PRKACB: variants seen among roughly 807,000 people sequenced by gnomAD.
PRKACB encodes protein kinase cAMP-activated catalytic subunit beta.
PRKACB carries 16 observed loss-of-function variants against 51.4 expected under a neutral mutation model. The ratio of observed to expected loss-of-function variants is 0.31; its 90% CI spans 0.21 to 0.47. The LOEUF is 0.47. Among genes scored for constraint, PRKACB ranks in the 20% least tolerant of loss-of-function variants. The pLI is 1.00. For missense variants in PRKACB, 309 were observed against 464.5 expected (o/e 0.67, Z 3.08); for synonymous variants, 147 against 154.4 (o/e 0.95, Z 0.35).
chr1:84,107,626 T>G (rs986230238), intron 1 of PRKACB, among the ~76,000 whole-genome samples: 10 of 151,972 alleles, frequency 6.6e-5, no homozygotes, highest in Admixed American at 1.3e-4. Context: ...ACAGGGAACT[T>G]AAACAAATGT....
intron 5 of PRKACB, among the ~76,000 whole-genome samples, chr1:84,185,695 C>T (rs1664880247): frequency 6.6e-6 from 1 of 151,966 alleles, no homozygotes; most frequent in Non-Finnish European, 1.5e-5. Context: ...GTTTGTACCT[C>T]ATCAGGTTAT....
chr1:84,080,571 A>G lies in PRKACB; in HGVS notation c.46+2200A>G, dbSNP rs199972174. Among the ~76,000 whole-genome samples, 8 of 152,188 alleles carry G rather than the reference A, an allele frequency of 5.3e-5. No homozygotes were observed. In the East Asian group the frequency reaches 1.5e-3, roughly 29 times the overall value. On this transcript the variant is annotated intron_variant, in intron 1 of 8. Coordinates refer to the PRKACB transcript ENST00000370688. ...ATGTCACGTGTTGATTAATGTTTGT[A>G]ATTTCATTTGGAGCAGTGTTATCAG...
At chr1:84,223,512 G>C (rs1674083187) in intron 9 of PRKACB, among the ~76,000 whole-genome samples, 1 of 151,876 alleles carries the variant, frequency 6.6e-6, no homozygotes. Context: ...GGGACGACAG[G>C]CACCCGCCAC....
chr1:84,088,166 C>G (rs964975972), intron 1 of PRKACB, among the ~76,000 whole-genome samples: 3 of 152,102 alleles, frequency 2.0e-5, no homozygotes, highest in Non-Finnish European at 4.4e-5. Flanking sequence ...AATGTAGATG[C>G]CATATTTTTT....
intron 1 of PRKACB, among the ~76,000 whole-genome samples, chr1:84,166,901 A>T (rs1195275310): frequency 6.6e-6 from 1 of 151,610 alleles, no homozygotes; most frequent in Non-Finnish European, 1.5e-5. Context: ...TCATTACCTG[A>T]ACGTTCAGTT....
intron 1 of PRKACB, among the ~76,000 whole-genome samples, chr1:84,170,782 AAAAT>A (rs917182955): frequency 5.3e-5 from 8 of 151,748 alleles, no homozygotes; most frequent in Non-Finnish European, 1.2e-4. Context: ...TAGTGACATA[AAAAT>A]AAATATGAGG....
rs560667444 is a variant in PRKACB, at chr1:84,200,052, G to T, written c.783+2228G>T. Among the ~76,000 whole-genome samples, 8 of 152,058 alleles carry T rather than the reference G, an allele frequency of 5.3e-5. No individual in the cohort carries two copies. In the South Asian group the frequency reaches 1.2e-3, roughly 24 times the overall value. On this transcript the variant is annotated intron_variant, in intron 7 of 9. Coordinates refer to ENST00000370685, the MANE Select transcript of PRKACB (RefSeq NM_182948.4). The stretch of plus-strand genomic sequence containing the variant: ...AGTAGAGACAGGGTTTCACCATATT[G>T]GTCAGGCTGGTCTTGAACTCCCGAC...
chr1:84,210,843 CTT>C (rs1267949573), intron 8 of PRKACB, among the ~76,000 whole-genome samples: 6 of 152,060 alleles, frequency 3.9e-5, no homozygotes, highest in Non-Finnish European at 7.4e-5. Context: ...CAACATGACT[CTT>C]TGAAAAGTTC....
intron 9 of PRKACB, among the ~76,000 whole-genome samples, chr1:84,230,769 T>C (rs1675500888): frequency 6.7e-6 from 1 of 149,448 alleles, no homozygotes; most frequent in South Asian, 2.1e-4. Flanking sequence ...CTGTGATTTT[T>C]GTACATTGAT....
intron 1 of PRKACB, among the ~76,000 whole-genome samples, chr1:84,085,453 G>A (rs556287946): frequency 8.5e-5 from 13 of 152,168 alleles, no homozygotes; most frequent in Non-Finnish European, 1.8e-4. Context: ...ATTGGATAAT[G>A]ACACTGTGAT....
At chr1:84,143,239 A>G (rs1437450169), upstream of PRKACB, among the ~76,000 whole-genome samples, 1 of 152,092 alleles carries the variant, frequency 6.6e-6, no homozygotes, top group Non-Finnish European at 1.5e-5. Flanking sequence ...TGAGGCCAGG[A>G]GTTTGAGACA....
intron 1 of PRKACB, among the ~76,000 whole-genome samples, chr1:84,097,624 G>A (rs1294615126): frequency 1.3e-5 from 2 of 151,940 alleles, no homozygotes; most frequent in Non-Finnish European, 1.5e-5. Flanking sequence ...AATCAAGTTG[G>A]GGAACCAGGA....
intron 1 of PRKACB, among the ~76,000 whole-genome samples, chr1:84,162,788 C>T (rs1041230783): frequency 1.3e-5 from 2 of 151,894 alleles, no homozygotes; most frequent in African/African-American, 2.4e-5. Flanking sequence ...CTAAATTCTA[C>T]ACCTGGGCCC....
chr1:84,078,257 CTG>C, exon 1 of PRKACB: 2 of 1,545,080 alleles, frequency 1.3e-6, no homozygotes, highest in South Asian at 2.3e-5. Flanking sequence ...TTGTCCCAGA[CTG>C]TGGAGTGGCG....
At chr1:84,110,665 A>G (rs948414684) in intron 1 of PRKACB, among the ~76,000 whole-genome samples, 9 of 151,790 alleles carry the variant, frequency 5.9e-5, no homozygotes, top group African/African-American at 1.7e-4. Flanking sequence ...TCCCTAATCT[A>G]TAGTGTTTTC....
chr1:84,165,746 C>A (rs1657230448), intron 1 of PRKACB, among the ~76,000 whole-genome samples: 1 of 151,660 alleles, frequency 6.6e-6, no homozygotes, highest in African/African-American at 2.4e-5. Context: ...TCACTTCAAG[C>A]CAAACCTGCA....
intron 5 of PRKACB, among the ~76,000 whole-genome samples, chr1:84,186,834 C>G (rs1335361134): frequency 6.6e-6 from 1 of 152,050 alleles, no homozygotes; most frequent in African/African-American, 2.4e-5. Flanking sequence ...AAATTTTTCT[C>G]AAAGTAGATT....
intron 1 of PRKACB, chr1:84,175,116 G>T: frequency 7.5e-7 from 1 of 1,329,284 alleles, no homozygotes. Flanking sequence ...TTTATTGTTT[G>T]CAAGTTTTTA....
At chr1:84,133,585 G>C (rs143420150) in intron 1 of PRKACB, among the ~76,000 whole-genome samples, 2 of 152,174 alleles carry the variant, frequency 1.3e-5, no homozygotes, top group Admixed American at 6.5e-5. Context: ...GCTAGTTGGC[G>C]GCTTTGGTCA....
Sources: gnomAD v4.1 joint callset for allele counts (sites outside exome capture counted in the v4.1 genomes callset) on GRCh38, gnomAD v4.1.1 for gene constraint, MANE v1.5 for transcripts, NCBI Gene and HGNC (gene_info 2026-07-23, HGNC 2026-07-21) for gene names.